WDFY4: variants seen among roughly 807,000 people sequenced by gnomAD.
WDFY4 encodes the protein WD repeat- and FYVE domain-containing protein 4.
WDFY4 carries 169 observed loss-of-function variants against 351.9 expected under a neutral mutation model. That is an observed-to-expected ratio of 0.48 (90% CI 0.42 to 0.55). WDFY4 has a LOEUF of 0.55. Among genes scored for constraint, WDFY4 ranks in the 20% least tolerant of loss-of-function variants. The pLI, the probability that WDFY4 is intolerant of heterozygous loss-of-function variation, is 0.00. For missense variants in WDFY4, 3,803 were observed against 3,935.6 expected (o/e 0.97, Z 0.90); for synonymous variants, 1,622 against 1,574.6 (o/e 1.03, Z -0.71).
intron 23 of WDFY4, among the ~76,000 whole-genome samples, chr10:48,792,186 G>A (rs1035552786): frequency 6.6e-6 from 1 of 152,030 alleles, no homozygotes; most frequent in African/African-American, 2.4e-5. Context: ...TGTGGCCTCC[G>A]CTCAGAGCAC....
intron 1 of WDFY4, among the ~76,000 whole-genome samples, chr10:48,696,465 G>A (rs570887081): frequency 4.6e-5 from 7 of 152,326 alleles, no homozygotes; most frequent in East Asian, 3.9e-4. Flanking sequence ...TTGTGTCCTC[G>A]CCAGGGCCAA....
At chr10:48,724,787 G>A (rs1250771688) in intron 5 of WDFY4, among the ~76,000 whole-genome samples, 1 of 152,056 alleles carries the variant, frequency 6.6e-6, no homozygotes, top group Non-Finnish European at 1.5e-5. Flanking sequence ...TCAAACAAGG[G>A]GAAAACAATC....
chr10:48,819,712 C>T (rs1357537989), intron 32 of WDFY4, among the ~76,000 whole-genome samples: 1 of 152,172 alleles, frequency 6.6e-6, no homozygotes, highest in East Asian at 1.9e-4. Flanking sequence ...TCTTTGGAGT[C>T]CCACTTCTCC....
intron 1 of WDFY4, 32 bp downstream of exon 1, chr10:48,685,033 C>T (rs1273804052): frequency 6.6e-6 from 1 of 152,462 alleles, no homozygotes; most frequent in Admixed American, 6.5e-5. Flanking sequence ...CCAGCCAGGC[C>T]AGCCTAGAGG....
At chr10:48,750,209 G>C (rs1474239708) in intron 12 of WDFY4, among the ~76,000 whole-genome samples, 1 of 152,204 alleles carries the variant, frequency 6.6e-6, no homozygotes, top group Non-Finnish European at 1.5e-5. Context: ...GAGGAAGGGT[G>C]GGGGACAGTG....
At chr10:48,857,765 T>C (rs2133207640) in intron 39 of WDFY4, among the ~76,000 whole-genome samples, 1 of 152,308 alleles carries the variant, frequency 6.6e-6, no homozygotes, top group Non-Finnish European at 1.5e-5. Context: ...GTACATTTTC[T>C]GATGATATTT....
chr10:48,803,797 G>C (rs142294630), intron 25 of WDFY4, among the ~76,000 whole-genome samples: 1 of 152,146 alleles, frequency 6.6e-6, no homozygotes, highest in African/African-American at 2.4e-5. Flanking sequence ...CAGTAAAGAG[G>C]GACTTCGTTG....
Position 48,820,381 on chromosome 10 carries a change from C to A in WDFY4, c.5653C>A (p.Leu1885Ile). ...GTTCACGCAGCTCCTCTTGAGGGAG[C>A]TCCTGCTTGGAGCCTCCAGCCCCAA... ...REFTQLLLRE[L>I]LLGASSPKQW... Residue 1885 changes from leucine (L) to isoleucine (I), a missense_variant, in exon 33 of 62, where the codon CTC becomes ATC. Physicochemically the swap from Leu to Ile is conservative, Grantham distance 5. Transcript: ENST00000325239. The A allele has an allele frequency of 6.4e-7, 1 of 1,551,630 alleles. No homozygotes were observed.
chr10:48,818,567 TG>T (rs2067701202), intron 32 of WDFY4, among the ~76,000 whole-genome samples: 1 of 152,188 alleles, frequency 6.6e-6, no homozygotes, highest in Non-Finnish European at 1.5e-5. Flanking sequence ...ATTGCAAGAA[TG>T]AAATGTACTG....
intron 19 of WDFY4, among the ~76,000 whole-genome samples, chr10:48,782,778 A>G (rs1410189780): frequency 1.3e-5 from 2 of 152,252 alleles, no homozygotes; most frequent in African/African-American, 2.4e-5. Context: ...ACTTACATAA[A>G]TTTGTAAAGA....
At chr10:48,882,183 C>T (rs980790230) in intron 43 of WDFY4, among the ~76,000 whole-genome samples, 1 of 152,108 alleles carries the variant, frequency 6.6e-6, no homozygotes, top group Non-Finnish European at 1.5e-5. Context: ...AGGGCATGCC[C>T]TGGGGGAACC....
intron 21 of WDFY4, among the ~76,000 whole-genome samples, chr10:48,789,277 AT>A (rs1485033771): frequency 6.6e-6 from 1 of 152,196 alleles, no homozygotes; most frequent in Non-Finnish European, 1.5e-5. Context: ...TTTACTTCCA[AT>A]TTTTGCATAA....
At chr10:48,688,283 G>C (rs2063107105) in intron 1 of WDFY4, among the ~76,000 whole-genome samples, 1 of 151,986 alleles carries the variant, frequency 6.6e-6, no homozygotes. Flanking sequence ...CTTCCATCCT[G>C]TCTTGAGAAT....
At chr10:48,933,871 A>G (rs1370069773) in intron 47 of WDFY4, among the ~76,000 whole-genome samples, 2 of 152,064 alleles carry the variant, frequency 1.3e-5, no homozygotes, top group African/African-American at 2.4e-5. Flanking sequence ...GAAGGGAGAA[A>G]GGGCCTGACA....
At chr10:48,975,179 C>T (rs1183236946) in intron 58 of WDFY4, 138 bp downstream of exon 58, 33 of 1,134,836 alleles carry the variant, frequency 2.9e-5, no homozygotes, top group South Asian at 2.3e-4. Context: ...GTGGAACAGT[C>T]GCTGTAGATC....
chr10:48,869,977 C>T (rs550002691), intron 40 of WDFY4, among the ~76,000 whole-genome samples: 6 of 152,302 alleles, frequency 3.9e-5, no homozygotes, highest in South Asian at 2.1e-4. Context: ...TGCAGGGAAA[C>T]GCAGAATTCA....
chr10:48,965,646 C>T (rs562935876), intron 54 of WDFY4, among the ~76,000 whole-genome samples: 9 of 152,242 alleles, frequency 5.9e-5, no homozygotes, highest in Admixed American at 1.3e-4. Context: ...CACCTCTTCT[C>T]CCTCCAGCGT....
At position 48,832,587 on chromosome 10, in the gene WDFY4, T is replaced by C. The variant is rs3747871; in HGVS notation, c.6541T>C (p.Ser2181Pro). Residue 2181 changes from serine (S) to proline (P), a missense_variant, in exon 39 of 62, where the codon TCA becomes CCA. By Grantham distance (74) the Ser-to-Pro change is moderately conservative. Transcript: ENST00000325239. Reference protein sequence around the residue: ...WQHYLASEKKSLASRSNVAHH... With the variant: ...WQHYLASEKKPLASRSNVAHH... Reference sequence around the variant, plus strand: ...CCTTCCCTCAGCATCTGAGAAGAAGTCACTGGCAAGTCGTTCAAATGTTGC... The same window carrying C: ...CCTTCCCTCAGCATCTGAGAAGAAGCCACTGGCAAGTCGTTCAAATGTTGC... 5.6e-5 allele frequency: 86 copies of C among 1,546,650 alleles called. No individual in the cohort carries two copies. In the East Asian group the frequency reaches 2.1e-3, roughly 37 times the overall value.
At chr10:48,817,555 A>G in intron 32 of WDFY4, 146 bp downstream of exon 32, 1 of 1,063,980 alleles carries the variant, frequency 9.4e-7, no homozygotes, top group Non-Finnish European at 1.3e-6. Context: ...AGCAGCTTGG[A>G]TAACCATCCT....
Sources: allele counts gnomAD v4.1 joint callset (sites outside exome capture counted in the v4.1 genomes callset), GRCh38; gene constraint gnomAD v4.1.1; transcripts MANE v1.5; gene names NCBI Gene and HGNC (gene_info 2026-07-23, HGNC 2026-07-21).